SRRM3: variants seen among roughly 807,000 people sequenced by gnomAD.
The protein encoded by SRRM3 is serine/arginine repetitive matrix protein 3.
A neutral mutation model predicts 66.2 loss-of-function variants in SRRM3; 27 were observed. The ratio of observed to expected loss-of-function variants is 0.41; its 90% CI spans 0.30 to 0.56. SRRM3 has a LOEUF of 0.56. Among genes scored for constraint, SRRM3 ranks in the 20% least tolerant of loss-of-function variants. The probability of loss-of-function intolerance (pLI) is 0.32; values close to 1 mark genes in which losing one functional copy is unlikely to be tolerated. For synonymous variants in SRRM3, 391 were observed against 414.9 expected (o/e 0.94, Z 0.70); for missense variants, 918 against 991.9 (o/e 0.93, Z 1.00).
At chr7:76,226,661 G>A (rs1800872321) in intron 1 of SRRM3, among the ~76,000 whole-genome samples, 1 of 152,148 alleles carries the variant, frequency 6.6e-6, no homozygotes, top group Non-Finnish European at 1.5e-5. Context: ...TGTGATCTCA[G>A]CTCACTGCAA....
At chr7:76,282,574 C>A in intron 12 of SRRM3, 74 bp from the exon 13 acceptor site, 1 of 643,100 alleles carries the variant, frequency 1.6e-6, no homozygotes, top group East Asian at 4.1e-5. Context: ...AAGCCCCGCC[C>A]CAGGGAACCC....
chr7:76,228,311 G>C lies in SRRM3; in HGVS notation c.-39-6717G>C, dbSNP rs143754129. Among the ~76,000 whole-genome samples, 348 of 152,286 alleles carry C rather than the reference G, an allele frequency of 2.3e-3. 2 individuals carry two copies. Among genetic ancestry groups the C allele is most frequent in the East Asian group, 9.8e-3 (51 of 5,186 alleles). ...GGGGCTCTGTTTTGCAGATTGGCTAGGGCCTTGCTCCTCTTAGGGAATTCT... is the reference window on the plus strand; with the variant it reads ...GGGGCTCTGTTTTGCAGATTGGCTACGGCCTTGCTCCTCTTAGGGAATTCT... On this transcript the variant is annotated intron_variant, in intron 1 of 14. Transcript: ENST00000611745.
At chr7:76,211,943 A>G (rs1236583311) in intron 1 of SRRM3, among the ~76,000 whole-genome samples, 1 of 149,728 alleles carries the variant, frequency 6.7e-6, no homozygotes, top group Non-Finnish European at 1.5e-5. Flanking sequence ...AGGCTCAAGC[A>G]ATGCTCCTGC....
chr7:76,224,661 C>T (rs1321635455), intron 1 of SRRM3, among the ~76,000 whole-genome samples: 1 of 152,162 alleles, frequency 6.6e-6, no homozygotes, highest in East Asian at 1.9e-4. Context: ...AGGGTCTGCC[C>T]ACAGACCCTG....
intron 3 of SRRM3, among the ~76,000 whole-genome samples, chr7:76,250,954 T>A (rs1376940919): frequency 6.6e-6 from 1 of 152,172 alleles, no homozygotes; most frequent in Non-Finnish European, 1.5e-5. Context: ...GGCTGAGTGA[T>A]GAGCAGAGAG....
chr7:76,252,354 C>A (rs1801600717), intron 3 of SRRM3, among the ~76,000 whole-genome samples: 1 of 152,186 alleles, frequency 6.6e-6, no homozygotes, highest in African/African-American at 2.4e-5. Flanking sequence ...CAGAGTCTCA[C>A]TCTGTCATCC....
At chr7:76,257,387 C>T (rs1402552472) in intron 3 of SRRM3, among the ~76,000 whole-genome samples, 1 of 145,200 alleles carries the variant, frequency 6.9e-6, no homozygotes, top group African/African-American at 2.6e-5. Flanking sequence ...AATGGAAGGT[C>T]GGGGCCACCC....
At chr7:76,216,054 A>G (rs1334804098) in intron 1 of SRRM3, among the ~76,000 whole-genome samples, 1 of 149,414 alleles carries the variant, frequency 6.7e-6, no homozygotes, top group Non-Finnish European at 1.5e-5. Context: ...TGATCTGCCC[A>G]CCTTGGCCTC....
chr7:76,222,440 G>A (rs1033508485), intron 1 of SRRM3, among the ~76,000 whole-genome samples: 18 of 149,224 alleles, frequency 1.2e-4, no homozygotes, highest in African/African-American at 4.4e-4. Flanking sequence ...AGTTGCAAGA[G>A]AGATCTTTCC....
chr7:76,248,359 G>A, intron 3 of SRRM3, 70 bp downstream of exon 3: 2 of 1,189,378 alleles, frequency 1.7e-6, no homozygotes, highest in Non-Finnish European at 2.5e-6. Context: ...GTACTAAAGG[G>A]GCCTGTCCAG....
intron 3 of SRRM3, among the ~76,000 whole-genome samples, chr7:76,257,798 A>G (rs1331867999): frequency 6.6e-6 from 1 of 151,992 alleles, no homozygotes; most frequent in Non-Finnish European, 1.5e-5. Flanking sequence ...AATAAAAAAT[A>G]AACTGCACAG....
intron 11 of SRRM3, among the ~76,000 whole-genome samples, chr7:76,280,125 AAAAAAGAAAAAG>A (rs1189113294): frequency 2.6e-5 from 4 of 151,470 alleles, no homozygotes; most frequent in Admixed American, 6.6e-5. Context: ...TTAAAAAAAA[AAAAAAGAAAAAG>A]AAAAAGAAAA....
chr7:76,215,397 T>TG (rs1187219139), intron 1 of SRRM3, among the ~76,000 whole-genome samples: 18 of 141,826 alleles, frequency 1.3e-4, no homozygotes, highest in African/African-American at 4.8e-4. Context: ...GCCCGCAGTT[T>TG]TTTTTTTTTT....
chr7:76,203,442 G>C (rs1200750671), intron 1 of SRRM3, among the ~76,000 whole-genome samples: 1 of 152,214 alleles, frequency 6.6e-6, no homozygotes, highest in African/African-American at 2.4e-5. Context: ...GCTGTTGAAA[G>C]AAATAATCTG....
intron 1 of SRRM3, among the ~76,000 whole-genome samples, chr7:76,230,138 G>A (rs529390960): frequency 6.6e-6 from 1 of 152,226 alleles, no homozygotes; most frequent in Admixed American, 6.5e-5. Flanking sequence ...TGTGTCCTCA[G>A]TGAATTTGAT....
chr7:76,281,755 C>T lies in SRRM3; in HGVS notation c.1323C>T (p.Pro441=). 7.3e-7 allele frequency: 1 copy of T among 1,370,642 alleles called. No individual in the cohort carries two copies. The highest frequency in any genetic ancestry group is 3.4e-5 in the East Asian group (1 of 29,786). The allele number at this position is 1,370,642 out of a possible 1,614,324, so 84.9% of individuals were successfully genotyped here. The change falls in exon 12 of 15, where the codon CCC becomes CCT. Residue 441 remains proline, a synonymous_variant. Transcript: ENST00000611745. Reference sequence around the variant, plus strand: ...GCAGCGGCCGCGGCGCCCCCGGCCCCGGGCCCGAGCCCGGCTCTGAGCGAG... The same window carrying T: ...GCAGCGGCCGCGGCGCCCCCGGCCCTGGGCCCGAGCCCGGCTCTGAGCGAG... ...DSGSGRGAPG[P]GPEPGSERGH... is the part of the protein sequence containing the mutation.
chr7:76,249,904 C>T (rs551159266), intron 3 of SRRM3, among the ~76,000 whole-genome samples: 1 of 152,008 alleles, frequency 6.6e-6, no homozygotes, highest in South Asian at 2.1e-4. Context: ...TAAATCTTAG[C>T]CTACATGCAG....
chr7:76,209,803 G>T (rs1394234817), intron 1 of SRRM3, among the ~76,000 whole-genome samples: 2 of 152,004 alleles, frequency 1.3e-5, no homozygotes, highest in African/African-American at 2.4e-5. Context: ...ATGGGGTTTT[G>T]CTATGTTGCC....
intron 11 of SRRM3, chr7:76,269,465 T>C (rs1435544003): frequency 2.0e-5 from 3 of 151,210 alleles, no homozygotes. Context: ...GGGAGAGGGG[T>C]CCCAGACTTT....
Sources: gnomAD v4.1 joint callset for allele counts (sites outside exome capture counted in the v4.1 genomes callset) on GRCh38, gnomAD v4.1.1 for gene constraint, MANE v1.5 for transcripts, NCBI Gene and HGNC (gene_info 2026-07-23, HGNC 2026-07-21) for gene names.